Variants in NBAS observed in about 807,000 individuals in gnomAD.
The protein encoded by NBAS is NBAS subunit of NRZ tethering complex, also known as NAG/BC035112 fusion.
Under a neutral mutation model 302.5 loss-of-function variants are expected in NBAS, and 219 were observed. That is an observed-to-expected ratio of 0.72 (90% CI 0.65 to 0.81). NBAS has a LOEUF of 0.81. NBAS is among the 30% of genes least tolerant of loss of function. The pLI is 0.00. For missense variants in NBAS, 2,932 were observed against 2,841.6 expected (o/e 1.03, Z -0.72); for synonymous variants, 1,118 against 1,021.6 (o/e 1.09, Z -1.80).
the NBAS span, among the ~76,000 whole-genome samples, chr2:14,905,254 T>C: frequency 6.6e-6 from 1 of 152,196 alleles, no homozygotes; most frequent in African/African-American, 2.4e-5. Flanking sequence ...CCAATCAAGT[T>C]GACATCTAAT....
At chr2:15,425,704 C>A (rs545948450) in intron 22 of NBAS, among the ~76,000 whole-genome samples, 2 of 152,170 alleles carry the variant, frequency 1.3e-5, no homozygotes, top group Non-Finnish European at 2.9e-5. Context: ...TCTGCCCACA[C>A]GAAGCACATC....
At chr2:15,222,323 C>T (rs1666980940) in intron 47 of NBAS, among the ~76,000 whole-genome samples, 3 of 151,994 alleles carry the variant, frequency 2.0e-5, no homozygotes, top group Non-Finnish European at 4.4e-5. Flanking sequence ...AATTTAAAGC[C>T]CATTTCTGAC....
chr2:15,472,811 T>C (rs1680016840), intron 16 of NBAS, among the ~76,000 whole-genome samples: 1 of 152,226 alleles, frequency 6.6e-6, no homozygotes, highest in Non-Finnish European at 1.5e-5. Flanking sequence ...AGGGTAGTCC[T>C]TAGCGTTCTC....
the NBAS span, among the ~76,000 whole-genome samples, chr2:15,132,293 G>T: frequency 5.5e-4 from 84 of 152,304 alleles, 1 homozygote; most frequent in Non-Finnish European, 9.8e-4. Flanking sequence ...GGACATTTAT[G>T]TACATACTTC....
intron 32 of NBAS, among the ~76,000 whole-genome samples, chr2:15,359,965 T>C (rs1259881197): frequency 6.6e-6 from 1 of 152,172 alleles, no homozygotes; most frequent in Non-Finnish European, 1.5e-5. Flanking sequence ...ACCTAGGCTA[T>C]ATATATGGTA....
At chr2:14,994,457 C>T in the NBAS span, among the ~76,000 whole-genome samples, 1 of 152,154 alleles carries the variant, frequency 6.6e-6, no homozygotes, top group Non-Finnish European at 1.5e-5. Context: ...GATCAGAGAG[C>T]CCATCCTGCA....
At chr2:14,784,554 G>T in the NBAS span, among the ~76,000 whole-genome samples, 3 of 152,132 alleles carry the variant, frequency 2.0e-5, no homozygotes, top group African/African-American at 7.2e-5. Flanking sequence ...AGTTTTCCCA[G>T]CACCATTTAT....
At chr2:15,172,347 A>T (rs1415666090) in intron 51 of NBAS, among the ~76,000 whole-genome samples, 1 of 152,038 alleles carries the variant, frequency 6.6e-6, no homozygotes, top group African/African-American at 2.4e-5. Flanking sequence ...ACAGCTTCCC[A>T]CTCTTTCACA....
At chr2:15,100,486 T>C in the NBAS span, among the ~76,000 whole-genome samples, 12 of 152,276 alleles carry the variant, frequency 7.9e-5, 1 homozygote, top group African/African-American at 2.6e-4. Context: ...AAATTTAAAA[T>C]AGTAGAATTT....
chr2:15,344,457 C>A (rs1296718573), intron 35 of NBAS, among the ~76,000 whole-genome samples: 1 of 151,948 alleles, frequency 6.6e-6, no homozygotes, highest in Non-Finnish European at 1.5e-5. Flanking sequence ...CAAAACTAAA[C>A]CAAGAAAAAG....
intron 31 of NBAS, among the ~76,000 whole-genome samples, chr2:15,373,491 C>G (rs7596969): frequency 0.56 from 85,322 of 151,816 alleles, 25,792 homozygotes; most frequent in Non-Finnish European, 0.68. Context: ...CCATTACACT[C>G]GGCTAACTTC....
At chr2:15,119,504 C>A in the NBAS span, among the ~76,000 whole-genome samples, 1 of 151,958 alleles carries the variant, frequency 6.6e-6, no homozygotes, top group Non-Finnish European at 1.5e-5. Flanking sequence ...CCACGCCCAG[C>A]TAATTTTTGT....
At chr2:15,198,696 T>C (rs1368323580) in intron 48 of NBAS, among the ~76,000 whole-genome samples, 1 of 152,224 alleles carries the variant, frequency 6.6e-6, no homozygotes, top group Non-Finnish European at 1.5e-5. Flanking sequence ...CAGCAGGGAA[T>C]ATGGAGCAAA....
the NBAS span, among the ~76,000 whole-genome samples, chr2:15,083,938 A>G: frequency 6.6e-6 from 1 of 152,258 alleles, no homozygotes; most frequent in Non-Finnish European, 1.5e-5. Flanking sequence ...TGGAAACAAA[A>G]ATGCAGACTA....
intron 25 of NBAS, 30 bp downstream of exon 25, chr2:15,415,516 C>T: frequency 5.6e-6 from 9 of 1,607,988 alleles, no homozygotes; most frequent in Non-Finnish European, 7.7e-6. Context: ...AAAAAGTGCC[C>T]AGAATTTTAA....
chr2:14,891,931 T>C, the NBAS span, among the ~76,000 whole-genome samples: 2 of 152,198 alleles, frequency 1.3e-5, no homozygotes, highest in African/African-American at 2.4e-5. Context: ...TCAAGTAACA[T>C]AGATCAAATC....
At chr2:15,319,773 A>G (rs1185576131) in intron 38 of NBAS, among the ~76,000 whole-genome samples, 1 of 152,264 alleles carries the variant, frequency 6.6e-6, no homozygotes, top group African/African-American at 2.4e-5. Flanking sequence ...CAACCAAAAA[A>G]AGTCCAGAAC....
At chr2:14,969,976 G>A in the NBAS span, among the ~76,000 whole-genome samples, 17 of 151,982 alleles carry the variant, frequency 1.1e-4, no homozygotes, top group African/African-American at 4.1e-4. Context: ...TTGCCCAAAG[G>A]TAAGAGTCAA....
chr2:15,427,013 T>C (rs940048713), intron 22 of NBAS, among the ~76,000 whole-genome samples: 1 of 152,124 alleles, frequency 6.6e-6, no homozygotes, highest in Non-Finnish European at 1.5e-5. Flanking sequence ...AGTTTGGACA[T>C]TCAGGTCATA....
Sources: gnomAD v4.1 joint callset for allele counts (sites outside exome capture counted in the v4.1 genomes callset) on GRCh38, gnomAD v4.1.1 for gene constraint, MANE v1.5 for transcripts, NCBI Gene and HGNC (gene_info 2026-07-23, HGNC 2026-07-21) for gene names.